TOPAZ1: variants seen among roughly 807,000 people sequenced by gnomAD.
TOPAZ1 encodes testis and ovary specific TOPAZ 1.
A neutral mutation model predicts 172.2 loss-of-function variants in TOPAZ1; 66 were observed. The ratio of observed to expected loss-of-function variants is 0.38; its 90% CI spans 0.31 to 0.47. The LOEUF is 0.47. Among genes scored for constraint, TOPAZ1 ranks in the 20% least tolerant of loss-of-function variants. The probability of loss-of-function intolerance (pLI) is 0.99; values close to 1 mark genes in which losing one functional copy is unlikely to be tolerated. For synonymous variants in TOPAZ1, 681 were observed against 683.9 expected, an observed-to-expected ratio of 1.00 and a Z score of 0.07; for missense variants, 1,822 against 1,972.4, an observed-to-expected ratio of 0.92 and a Z score of 1.44.
intron 12 of TOPAZ1, 127 bp downstream of exon 12, chr3:44,291,013 C>G (rs981799216): frequency 1.8e-6 from 1 of 563,102 alleles, no homozygotes; most frequent in Non-Finnish European, 3.0e-6. Flanking sequence ...GTCATAAACC[C>G]TTCTCCTGTC....
intron 14 of TOPAZ1, 147 bp downstream of exon 14, chr3:44,305,468 C>A: frequency 1.8e-6 from 1 of 563,978 alleles, no homozygotes; most frequent in Non-Finnish European, 2.9e-6. Flanking sequence ...CTCCTGGGCT[C>A]AAGCACTTCT....
chr3:44,319,450 A>G (rs1176188863), intron 16 of TOPAZ1, among the ~76,000 whole-genome samples: 1 of 152,230 alleles, frequency 6.6e-6, no homozygotes, highest in Non-Finnish European at 1.5e-5. Context: ...AAAGGTTTAT[A>G]TAATCTACTT....
rs146770449 is a variant in TOPAZ1 at position 44,291,905 on chromosome 3, A to G, written c.3797+1019A>G. On this transcript the variant is annotated intron_variant, in intron 12 of 19. Coordinates refer to ENST00000309765, the MANE Select transcript of TOPAZ1 (RefSeq NM_001145030.2). The stretch of plus-strand genomic sequence containing the variant: ...TTATCTTCTAATGCAGAGGTTCCCA[A>G]ACTTTCTTGGTTCTGTGTCCCTAGG... 3.5e-3 allele frequency among the ~76,000 whole-genome samples: 534 copies of G among 152,238 alleles called. 3 individuals are homozygous for G. Among genetic ancestry groups the G allele is most frequent in the African/African-American group, 0.012 (504 of 41,560 alleles).
intron 16 of TOPAZ1, among the ~76,000 whole-genome samples, chr3:44,319,403 A>G (rs924637487): frequency 9.9e-5 from 15 of 152,214 alleles, no homozygotes; most frequent in Non-Finnish European, 2.1e-4. Context: ...AATATAAAGA[A>G]TAAGTATTAA....
chr3:44,251,657 G>A (rs1699633070), intron 2 of TOPAZ1, among the ~76,000 whole-genome samples: 1 of 152,038 alleles, frequency 6.6e-6, no homozygotes, highest in Non-Finnish European at 1.5e-5. Flanking sequence ...TTTCTTGGTT[G>A]GGACCCACTA....
rs1291090899 is a variant in TOPAZ1 at position 44,273,490 on chromosome 3, G to A, written c.3372+2680G>A. 3.9e-5 allele frequency among the ~76,000 whole-genome samples: 6 copies of A among 152,122 alleles called. No individual in the cohort carries two copies. The East Asian group carries it at 1.2e-3, about 29-fold the overall frequency. On this transcript the variant is annotated intron_variant, in intron 8 of 19. Coordinates refer to ENST00000309765, the MANE Select transcript of TOPAZ1 (RefSeq NM_001145030.2). ...TTCAGAATTATCTTCCTAAAATATGGAATTAATCTGGTCAATAATAAAAAA... is the reference window on the plus strand; with the variant it reads ...TTCAGAATTATCTTCCTAAAATATGAAATTAATCTGGTCAATAATAAAAAA...
chr3:44,295,420 G>C (rs6776788), intron 12 of TOPAZ1, among the ~76,000 whole-genome samples: 71,981 of 151,974 alleles, frequency 0.47, 17,994 homozygotes, highest in East Asian at 0.81. Context: ...TCCATATACT[G>C]TTTGTGTAAA....
chr3:44,287,874 C>A, intron 11 of TOPAZ1, 35 bp downstream of exon 11: 2 of 1,041,610 alleles, frequency 1.9e-6, no homozygotes, highest in African/African-American at 1.7e-5. Flanking sequence ...TCTCTGATGG[C>A]GAGTAACCAA....
At chr3:44,315,531 C>CT (rs1362413460) in intron 16 of TOPAZ1, among the ~76,000 whole-genome samples, 1 of 109,206 alleles carries the variant, frequency 9.2e-6, no homozygotes, top group East Asian at 4.1e-4. Context: ...CCACGTCTGG[C>CT]TATTTTTTTT....
intron 16 of TOPAZ1, among the ~76,000 whole-genome samples, chr3:44,311,585 T>A (rs1046832426): frequency 1.3e-5 from 2 of 152,194 alleles, no homozygotes; most frequent in Non-Finnish European, 2.9e-5. Flanking sequence ...TAAACTTCTA[T>A]CAATTATAAG....
chr3:44,249,564 T>A (rs1265356254), intron 2 of TOPAZ1, among the ~76,000 whole-genome samples: 4 of 152,162 alleles, frequency 2.6e-5, no homozygotes, highest in Middle Eastern at 3.2e-3. Context: ...TTATGCTACC[T>A]CAGTAGTGGC....
At chr3:44,290,913 CA>C in intron 12 of TOPAZ1, 27 bp downstream of exon 12, 6 of 1,412,928 alleles carry the variant, frequency 4.2e-6, no homozygotes, top group Non-Finnish European at 4.9e-6. Flanking sequence ...TTATTTAAGC[CA>C]AAATATATGT....
chr3:44,273,131 C>G (rs112915402), intron 8 of TOPAZ1, among the ~76,000 whole-genome samples: 9 of 152,202 alleles, frequency 5.9e-5, no homozygotes, highest in African/African-American at 2.2e-4. Context: ...TATAAGAAAT[C>G]CCACTGTTCA....
chr3:44,315,320 A>T (rs965793055), intron 16 of TOPAZ1, among the ~76,000 whole-genome samples: 1 of 152,096 alleles, frequency 6.6e-6, no homozygotes, highest in Non-Finnish European at 1.5e-5. Context: ...AACAATGTTA[A>T]TATTTAAGAA....
At position 44,242,363 on chromosome 3, in the gene TOPAZ1, A is replaced by G; in HGVS notation, c.310A>G (p.Lys104Glu). ...SSDPRGLEAA[K>E]EAELPLQTER... ...AGACCCGCGAGGCCTAGAAGCAGCA[A>G]AGGAGGCTGAACTCCCCTTGCAAAC... is the stretch of plus-strand genomic sequence containing the variant. Residue 104 changes from lysine to glutamate, a missense_variant, in exon 1 of 20, where the codon AAG becomes GAG. This residue lies in a region of TOPAZ1 where 1,489 missense variants were observed against 1,490.8 expected (regional missense o/e 1.00). Coordinates refer to ENST00000309765, the MANE Select transcript of TOPAZ1 (RefSeq NM_001145030.2). The G allele has an allele frequency of 6.4e-7, 1 of 1,552,372 alleles. No individual in the cohort carries two copies. Among genetic ancestry groups the G allele is most frequent in the Non-Finnish European group, 8.7e-7 (1 of 1,147,140 alleles).
At chr3:44,254,068 TATCTC>T (rs752790016) in intron 2 of TOPAZ1, among the ~76,000 whole-genome samples, 2 of 152,248 alleles carry the variant, frequency 1.3e-5, no homozygotes, top group Non-Finnish European at 2.9e-5. Context: ...AAGGACATCT[TATCTC>T]ATTTAATCCT....
At chr3:44,273,670 G>T (rs1412032662) in intron 8 of TOPAZ1, among the ~76,000 whole-genome samples, 2 of 152,012 alleles carry the variant, frequency 1.3e-5, no homozygotes, top group Non-Finnish European at 2.9e-5. Context: ...TTAAAACCCA[G>T]CTCAAAGCCA....
chr3:44,314,302 C>T (rs950702131), intron 16 of TOPAZ1, among the ~76,000 whole-genome samples: 4 of 152,072 alleles, frequency 2.6e-5, no homozygotes, highest in African/African-American at 9.7e-5. Context: ...TGTTTATGTT[C>T]TTGGTCTGTT....
chr3:44,328,813 C>A (rs914922087), intron 19 of TOPAZ1, among the ~76,000 whole-genome samples: 2 of 152,112 alleles, frequency 1.3e-5, no homozygotes, highest in Non-Finnish European at 2.9e-5. Flanking sequence ...AAGGGAAATA[C>A]GTGATCAGCC....
Sources: allele counts gnomAD v4.1 joint callset (sites outside exome capture counted in the v4.1 genomes callset), GRCh38; gene constraint gnomAD v4.1.1; regional missense constraint gnomAD v4.1.1; transcripts MANE v1.5; gene names NCBI Gene and HGNC (gene_info 2026-07-23, HGNC 2026-07-21).